FGF14: variants seen among roughly 807,000 people sequenced by gnomAD.
FGF14 encodes the protein fibroblast growth factor 14, also known as fibroblast growth factor homologous factor 4.
A neutral mutation model predicts 25.5 loss-of-function variants in FGF14; 5 were observed. The ratio of observed to expected loss-of-function variants is 0.20; its 90% CI spans 0.10 to 0.41. The LOEUF (loss-of-function observed/expected upper bound fraction) is 0.41. FGF14 is among the 10% of genes least tolerant of loss of function. The pLI is 1.00. For synonymous variants in FGF14, 138 were observed against 118.3 expected (o/e 1.17, Z -1.08); for missense variants, 222 against 320.1 (o/e 0.69, Z 2.34).
chr13:101,769,686 A>G (rs1029952751), intron 3 of FGF14, among the ~76,000 whole-genome samples: 1 of 152,130 alleles, frequency 6.6e-6, no homozygotes, highest in African/African-American at 2.4e-5. Flanking sequence ...GTGTATTACT[A>G]AGTGAAAGGA....
intron 1 of FGF14, among the ~76,000 whole-genome samples, chr13:101,969,307 T>C (rs1566511107): frequency 6.6e-6 from 1 of 152,166 alleles, no homozygotes. Flanking sequence ...CTCACGCCTG[T>C]AATCCCAGCA....
chr13:101,724,597 AATATATATATATATATATAT>A (rs201033233), intron 4 of FGF14, among the ~76,000 whole-genome samples: 9 of 121,286 alleles, frequency 7.4e-5, no homozygotes, highest in African/African-American at 1.8e-4. Context: ...ATAATAATAA[AATATATATATATATATATAT>A]ATATATATAT....
chr13:101,871,791 C>T (rs2045104121), intron 2 of FGF14, among the ~76,000 whole-genome samples: 1 of 151,974 alleles, frequency 6.6e-6, no homozygotes, highest in South Asian at 2.1e-4. Flanking sequence ...TACCTAGGTG[C>T]TCACTTCCTT....
chr13:101,752,752 C>T (rs1035329676), intron 3 of FGF14, among the ~76,000 whole-genome samples: 5 of 152,106 alleles, frequency 3.3e-5, no homozygotes, highest in African/African-American at 1.2e-4. Flanking sequence ...TTATTGATGA[C>T]GTTCTCGCAC....
At chr13:102,242,623 C>T (rs934117473) in intron 1 of FGF14, among the ~76,000 whole-genome samples, 1 of 152,110 alleles carries the variant, frequency 6.6e-6, no homozygotes, top group African/African-American at 2.4e-5. Context: ...CATCAGAGCC[C>T]TCATGCCCTA....
chr13:102,004,603 G>A (rs966989314), intron 1 of FGF14, among the ~76,000 whole-genome samples: 4 of 152,210 alleles, frequency 2.6e-5, no homozygotes, highest in East Asian at 1.9e-4. Flanking sequence ...GGAACTGGAT[G>A]TGAGGTTATC....
intron 3 of FGF14, among the ~76,000 whole-genome samples, chr13:101,841,350 T>C (rs2043182506): frequency 2.0e-5 from 3 of 152,056 alleles, no homozygotes; most frequent in South Asian, 4.1e-4. Context: ...CTATATACTC[T>C]TATACTGGGT....
At chr13:102,222,475 G>A (rs1446258930) in intron 1 of FGF14, among the ~76,000 whole-genome samples, 1 of 152,182 alleles carries the variant, frequency 6.6e-6, no homozygotes. Context: ...CCAATGGTTT[G>A]CCATCGCCAG....
At chr13:101,972,844 C>T (rs1467414092) in intron 1 of FGF14, among the ~76,000 whole-genome samples, 1 of 152,222 alleles carries the variant, frequency 6.6e-6, no homozygotes, top group Middle Eastern at 3.4e-3. Context: ...TTCAGGTAAG[C>T]CAAAGCCAAT....
At chr13:102,274,094 T>C (rs980857194) in intron 1 of FGF14, among the ~76,000 whole-genome samples, 4 of 152,200 alleles carry the variant, frequency 2.6e-5, no homozygotes, top group Admixed American at 2.6e-4. Flanking sequence ...GTAGATATCA[T>C]GTGGAAAACT....
chr13:102,038,071 A>T (rs1037870447), intron 1 of FGF14, among the ~76,000 whole-genome samples: 1 of 152,194 alleles, frequency 6.6e-6, no homozygotes, highest in Non-Finnish European at 1.5e-5. Flanking sequence ...TAAAAAGTCA[A>T]ATAAATACAT....
chr13:101,731,549 C>T (rs77280007), intron 3 of FGF14, among the ~76,000 whole-genome samples: 2,587 of 152,256 alleles, frequency 0.017, 73 homozygotes, highest in African/African-American at 0.059. Flanking sequence ...CTGTGGTGTA[C>T]TTATTATCTT....
rs117448255 is a variant in FGF14, at chr13:102,226,140, C to T, written c.208+175331G>A. Among the ~76,000 whole-genome samples, 114 of 152,304 alleles carry T rather than the reference C, an allele frequency of 7.5e-4. No individual in the cohort carries two copies. The East Asian group carries it at 0.02, about 26-fold the overall frequency. On this transcript the variant is annotated intron_variant, in intron 1 of 4. Transcript: ENST00000376131. ...CAGCTGGCCCGTCCCTTACAGCACA[C>T]TTCCTAAGATGCTATATGTGGTGGT...
At position 102,241,817 on chromosome 13, in the gene FGF14, T is replaced by C. The variant is rs140974450; in HGVS notation, c.208+159654A>G. ...CCAATGAGAAGCCCTAAAGCTCTGA[T>C]ACAGCAAATAGCTCCTGCCAGGAAG... On this transcript the variant is annotated intron_variant, in intron 1 of 4. Transcript: ENST00000376131. Among the ~76,000 whole-genome samples the C allele has an allele frequency of 2.0e-3, 307 of 152,260 alleles. 2 individuals are homozygous for C. Among genetic ancestry groups the C allele is most frequent in the South Asian group, 3.1e-3 (15 of 4,828 alleles).
At chr13:102,203,479 T>A (rs2049764360) in intron 1 of FGF14, among the ~76,000 whole-genome samples, 1 of 152,192 alleles carries the variant, frequency 6.6e-6, no homozygotes, top group African/African-American at 2.4e-5. Flanking sequence ...TTCCCTAGGA[T>A]CCTTTAGTTA....
chr13:102,164,945 A>G (rs962477332), intron 1 of FGF14, among the ~76,000 whole-genome samples: 3 of 152,212 alleles, frequency 2.0e-5, no homozygotes, highest in African/African-American at 7.2e-5. Flanking sequence ...AAAGATTAGT[A>G]TTAGCAAGAA....
chr13:102,371,368 G>GT (rs1290607659), intron 1 of FGF14, among the ~76,000 whole-genome samples: 1 of 151,930 alleles, frequency 6.6e-6, no homozygotes, highest in African/African-American at 2.4e-5. Context: ...GGGTTTGAGG[G>GT]TTTTTTTATT....
intron 1 of FGF14, among the ~76,000 whole-genome samples, chr13:102,130,708 C>T (rs1240724577): frequency 1.3e-5 from 2 of 152,008 alleles, no homozygotes; most frequent in African/African-American, 2.4e-5. Flanking sequence ...AAGGGAAAGC[C>T]AAATGCCCTA....
chr13:102,225,325 C>A (rs1476892532), intron 1 of FGF14, among the ~76,000 whole-genome samples: 1 of 152,184 alleles, frequency 6.6e-6, no homozygotes, highest in Admixed American at 6.5e-5. Flanking sequence ...TCCACCTCTT[C>A]AAGGTGACAT....
Sources: gnomAD v4.1 joint callset for allele counts (sites outside exome capture counted in the v4.1 genomes callset) on GRCh38, gnomAD v4.1.1 for gene constraint, MANE v1.5 for transcripts, NCBI Gene and HGNC (gene_info 2026-07-23, HGNC 2026-07-21) for gene names.